The following TENM3 variants were observed in gnomAD, a reference collection of about 807,000 sequenced individuals.
The protein encoded by TENM3 is teneurin transmembrane protein 3.
TENM3 carries 63 observed loss-of-function variants against 255.1 expected under a neutral mutation model. That is an observed-to-expected ratio of 0.25 (90% CI 0.20 to 0.30). The LOEUF is 0.30. Ranked by LOEUF, TENM3 falls within the 10% of genes least tolerant of loss-of-function variation. The probability of loss-of-function intolerance (pLI) is 1.00; values close to 1 mark genes in which losing one functional copy is unlikely to be tolerated. For synonymous variants in TENM3, 1,306 were observed against 1,322.3 expected (o/e 0.99, Z 0.27); for missense variants, 2,929 against 3,461.1 (o/e 0.85, Z 3.86).
rs771898716 is a variant in TENM3 at position 182,346,682 on chromosome 4, T to C, written c.264T>C (p.Val88=). The part of the protein sequence containing the change: ...GQNFTLRQLG[V]CEPATRRGLA... ...ATTTTACCCTAAGGCAGTTAGGAGTTTGTGAACCAGCAACTCGAAGAGGAC... is the reference window on the plus strand; with the variant it reads ...ATTTTACCCTAAGGCAGTTAGGAGTCTGTGAACCAGCAACTCGAAGAGGAC... The change falls in exon 3 of 28, where the codon GTT becomes GTC. Residue 88 remains valine (V), a synonymous_variant. Coordinates refer to ENST00000511685, the MANE Select transcript of TENM3 (RefSeq NM_001080477.4). 1 of 1,613,846 alleles carries C rather than the reference T, an allele frequency of 6.2e-7. No individual in the cohort carries two copies. The highest frequency in any genetic ancestry group is 1.3e-5 in the African/African-American group (1 of 75,010).
chr4:182,598,240 C>T (rs1034044335), intron 3 of TENM3, among the ~76,000 whole-genome samples: 1 of 152,202 alleles, frequency 6.6e-6, no homozygotes, highest in Admixed American at 6.5e-5. Context: ...ATCATTCAGA[C>T]TTTGCATGTA....
chr4:182,549,790 A>G lies in TENM3; in HGVS notation c.512-51134A>G, dbSNP rs1036983976. On this transcript the variant is annotated intron_variant, in intron 3 of 27. Coordinates refer to ENST00000511685, the MANE Select transcript of TENM3 (RefSeq NM_001080477.4). ...TGTAATCTGTCAAGTAGGGCTAAAA[A>G]CATTAGGGCATTAAGGACAGATAGA... Among the ~76,000 whole-genome samples the G allele has an allele frequency of 2.1e-4, 32 of 152,342 alleles. 1 individual carries two copies. Among genetic ancestry groups the G allele is most frequent in the Admixed American group, 2.0e-3 (31 of 15,306 alleles).
At chr4:182,160,052 G>T (rs1269922529) in intron 1 of TENM3, among the ~76,000 whole-genome samples, 1 of 147,732 alleles carries the variant, frequency 6.8e-6, no homozygotes, top group Admixed American at 6.8e-5. Context: ...GCCCAGGCTG[G>T]AGTGCAGCGG....
the TENM3 span, among the ~76,000 whole-genome samples, chr4:181,473,340 C>A: frequency 6.6e-6 from 1 of 152,066 alleles, no homozygotes; most frequent in East Asian, 1.9e-4. Context: ...TGTAATCCAG[C>A]ACTTCAGGAG....
rs374559038 is a variant in TENM3 at position 182,406,655 on chromosome 4, A to T, written c.511+59726A>T. Among the ~76,000 whole-genome samples the T allele has an allele frequency of 1.4e-4, 21 of 152,300 alleles. No homozygotes were observed. In the South Asian group the frequency reaches 4.1e-3, roughly 30 times the overall value. Reference sequence around the variant, plus strand: ...TCTGTGGTCTGTGGCCCTGAAAAAGACATTTCCTCCCCCCAGTTTTAACTT... The same window carrying T: ...TCTGTGGTCTGTGGCCCTGAAAAAGTCATTTCCTCCCCCCAGTTTTAACTT... On this transcript the variant is annotated intron_variant, in intron 3 of 27. Transcript: ENST00000511685.
At position 182,324,112 on chromosome 4, in the gene TENM3, A is replaced by G; in HGVS notation, c.92A>G (p.Glu31Gly). 6.2e-7 allele frequency: 1 copy of G among 1,613,994 alleles called. No individual in the cohort carries two copies. The highest frequency in any genetic ancestry group is 8.5e-7 in the Non-Finnish European group (1 of 1,179,870). ...RRYTNSSADN[E>G]ECRVPTQKSY... Reference sequence around the variant, plus strand: ...TACACAAATTCCTCCGCAGACAATGAGGAGTGCCGGGTACCCACACAGAAG... The same window carrying G: ...TACACAAATTCCTCCGCAGACAATGGGGAGTGCCGGGTACCCACACAGAAG... Residue 31 changes from glutamate (E) to glycine (G), a missense_variant, in exon 2 of 28, where the codon GAG becomes GGG. Around this residue, in one of 6 missense-constraint regions of TENM3, gnomAD observed 283 missense variants for 256.9 expected, o/e 1.10. Transcript: ENST00000511685.
rs61576299 is a variant in TENM3 at position 182,796,942 on chromosome 4, C to G, written c.7344+175C>G. On this transcript the variant is annotated intron_variant, in intron 27 of 27. Coordinates refer to ENST00000511685, the MANE Select transcript of TENM3 (RefSeq NM_001080477.4). ...TTTGTGTTCAACAAACCAGAGGCCT[C>G]TTAAACAGGCTTAAATATGTTTTCA... Among the ~76,000 whole-genome samples, 42,982 of 152,080 alleles carry G rather than the reference C, an allele frequency of 0.28. 8,237 individuals carry two copies. Among genetic ancestry groups the G allele is most frequent in the African/African-American group, 0.55 (22,878 of 41,420 alleles).
intron 3 of TENM3, among the ~76,000 whole-genome samples, chr4:182,578,214 A>G (rs1287475356): frequency 1.3e-5 from 2 of 152,084 alleles, no homozygotes; most frequent in Admixed American, 6.6e-5. Flanking sequence ...TGACCTCGTG[A>G]TCCGCGCACT....
Position 182,347,900 on chromosome 4 carries a change from G to T in TENM3, c.511+971G>T, listed in dbSNP as rs189325049. Among the ~76,000 whole-genome samples the T allele has an allele frequency of 1.1e-3, 162 of 152,242 alleles. 1 individual carries two copies. The Middle Eastern group carries it at 0.017, about 16-fold the overall frequency. On this transcript the variant is annotated intron_variant, in intron 3 of 27. Transcript: ENST00000511685. ...AAAATGAAAGAATTGCATGACATTT[G>T]AAAAGAAAAATGGTTGTTTTATCAA...
chr4:182,760,172 A>G (rs925890381), intron 22 of TENM3, among the ~76,000 whole-genome samples: 3 of 152,210 alleles, frequency 2.0e-5, no homozygotes, highest in Middle Eastern at 3.2e-3. Context: ...AGTGAGTATT[A>G]GGGACCGCTT....
the TENM3 span, among the ~76,000 whole-genome samples, chr4:181,513,035 C>A: frequency 1.3e-5 from 2 of 152,156 alleles, no homozygotes; most frequent in African/African-American, 4.8e-5. Context: ...ATTATATAGA[C>A]AATGTTTCTT....
the TENM3 span, among the ~76,000 whole-genome samples, chr4:181,578,279 T>C: frequency 1.3e-5 from 2 of 152,354 alleles, no homozygotes; most frequent in East Asian, 1.9e-4. Flanking sequence ...TCCAGCTTTG[T>C]CTGGAGGTCT....
At chr4:181,821,627 G>C in the TENM3 span, 3 of 152,168 alleles carry the variant, frequency 2.0e-5, no homozygotes, top group African/African-American at 7.2e-5. Flanking sequence ...GCTGTACAGA[G>C]AGCTTAAATG....
chr4:182,358,530 G>T (rs1321819475), intron 3 of TENM3, among the ~76,000 whole-genome samples: 1 of 151,850 alleles, frequency 6.6e-6, no homozygotes, highest in South Asian at 2.1e-4. Flanking sequence ...GTCTGTTATC[G>T]GTGTATAAGA....
chr4:181,721,471 G>A, the TENM3 span, among the ~76,000 whole-genome samples: 1 of 139,834 alleles, frequency 7.2e-6, no homozygotes, highest in Non-Finnish European at 1.6e-5. Flanking sequence ...GTGGTGGCGG[G>A]CGCCTGTAGT....
chr4:181,474,608 G>A, the TENM3 span, among the ~76,000 whole-genome samples: 26 of 151,870 alleles, frequency 1.7e-4, no homozygotes, highest in East Asian at 5.8e-4. Flanking sequence ...GGTGGCGGGC[G>A]CCTGTAATCC....
At chr4:181,804,053 AAGGAGAGAAAGAG>A in the TENM3 span, among the ~76,000 whole-genome samples, 1 of 56,734 alleles carries the variant, frequency 1.8e-5, no homozygotes, top group Non-Finnish European at 4.0e-5. Context: ...GGAAGGGAGG[AAGGAGAGAAAGAG>A]AAAGGAAAGA....
chr4:182,286,389 C>T (rs1452386447), intron 1 of TENM3, among the ~76,000 whole-genome samples: 3 of 152,232 alleles, frequency 2.0e-5, no homozygotes, highest in East Asian at 3.9e-4. Flanking sequence ...GATTGGAATG[C>T]CGTTCTCTAC....
the TENM3 span, among the ~76,000 whole-genome samples, chr4:181,872,980 T>G: frequency 1.3e-5 from 2 of 152,182 alleles, no homozygotes; most frequent in Non-Finnish European, 2.9e-5. Flanking sequence ...TTCCTTTCAT[T>G]TTCTTACTTT....
Sources: gnomAD v4.1 joint callset for allele counts (sites outside exome capture counted in the v4.1 genomes callset) on GRCh38, gnomAD v4.1.1 for gene constraint, gnomAD v4.1.1 regional missense constraint, MANE v1.5 for transcripts, NCBI Gene and HGNC (gene_info 2026-07-23, HGNC 2026-07-21) for gene names.